COL24A1: variants seen among roughly 807,000 people sequenced by gnomAD.
COL24A1 encodes the protein collagen alpha-1(XXIV) chain.
COL24A1 carries 224 observed loss-of-function variants against 253.9 expected under a neutral mutation model. That is an observed-to-expected ratio of 0.88 (90% CI 0.79 to 0.99). COL24A1 has a LOEUF of 0.99. Among genes scored for constraint, COL24A1 ranks in the 50% least tolerant of loss-of-function variants. COL24A1 has a pLI of 0.00. For synonymous variants in COL24A1, 685 were observed against 673.7 expected (o/e 1.02, Z -0.26); for missense variants, 2,131 against 2,068.5 (o/e 1.03, Z -0.59).
At chr1:85,891,880 T>C (rs1169203573) in intron 31 of COL24A1, among the ~76,000 whole-genome samples, 3 of 152,172 alleles carry the variant, frequency 2.0e-5, no homozygotes, top group Non-Finnish European at 4.4e-5. Flanking sequence ...TTATTGGGGA[T>C]AAAGAGGAAA....
At chr1:85,916,279 A>C (rs938340959) in intron 24 of COL24A1, among the ~76,000 whole-genome samples, 1 of 152,062 alleles carries the variant, frequency 6.6e-6, no homozygotes, top group Non-Finnish European at 1.5e-5. Flanking sequence ...TATTTATACT[A>C]TCTGCCTGGT....
At chr1:85,918,864 G>C (rs923635317) in intron 24 of COL24A1, among the ~76,000 whole-genome samples, 1 of 152,178 alleles carries the variant, frequency 6.6e-6, no homozygotes, top group African/African-American at 2.4e-5. Flanking sequence ...TTGTTTTACT[G>C]TTTGAAATAT....
chr1:85,782,771 A>G (rs1669271275), intron 51 of COL24A1, among the ~76,000 whole-genome samples: 1 of 152,160 alleles, frequency 6.6e-6, no homozygotes, highest in South Asian at 2.1e-4. Context: ...TGCAGCTGCT[A>G]TTAGTCATAG....
At chr1:86,139,156 A>T (rs1393866740) in intron 2 of COL24A1, among the ~76,000 whole-genome samples, 1 of 126,236 alleles carries the variant, frequency 7.9e-6, no homozygotes, top group Non-Finnish European at 1.7e-5. Context: ...TTAGAATAAA[A>T]GAAAGATGAG....
intron 37 of COL24A1, among the ~76,000 whole-genome samples, chr1:85,853,031 G>A (rs1322583888): frequency 2.0e-5 from 3 of 152,164 alleles, no homozygotes; most frequent in Non-Finnish European, 4.4e-5. Context: ...GATAAATTAT[G>A]TGTCACATGG....
Position 86,125,237 on chromosome 1 carries a change from A to C in COL24A1, c.1099T>G (p.Phe367Val). The C allele has an allele frequency of 6.2e-7, 1 of 1,613,524 alleles. No individual in the cohort carries two copies. Among genetic ancestry groups the C allele is most frequent in the Non-Finnish European group, 8.5e-7 (1 of 1,179,764 alleles). The change falls in exon 3 of 60, where the codon TTT becomes GTT. Residue 367 changes from phenylalanine (F) to valine (V), a missense_variant. Coordinates refer to ENST00000370571, the MANE Select transcript of COL24A1 (RefSeq NM_152890.7). Reference protein sequence around the residue: ...SEAKMNTKEKFSSLLNMSDNI... With the variant: ...SEAKMNTKEKVSSLLNMSDNI... ...TCAGACATGTTTAGGAGAGAGCTAAATTTCTCTTTGGTATTCATTTTTGCC... is the reference window on the plus strand; with the variant it reads ...TCAGACATGTTTAGGAGAGAGCTAACTTTCTCTTTGGTATTCATTTTTGCC...
rs146793334 is a variant in COL24A1, at chr1:86,033,770, T to C, written c.2004+100A>G. The stretch of plus-strand genomic sequence containing the variant: ...AGTGGTGTGGAGATTGTTTTTCCAA[T>C]AGTGTTTATTCACAAATATGATAAT... On this transcript the variant is annotated intron_variant, in intron 13 of 59. Transcript: ENST00000370571. 3.8e-5 allele frequency: 41 copies of C among 1,076,808 alleles called. No homozygotes were observed. In the African/African-American group the frequency reaches 5.7e-4, roughly 15 times the overall value. 66.7% of individuals were successfully genotyped at this position (1,076,808 alleles called of 1,614,324 possible).
At chr1:86,092,126 CT>C (rs1703536939) in intron 6 of COL24A1, 140 bp downstream of exon 6, 1 of 489,076 alleles carries the variant, frequency 2.0e-6, no homozygotes, top group East Asian at 4.0e-5. Flanking sequence ...TCAAATAGTT[CT>C]TCCTTCATTA....
chr1:86,108,567 G>C (rs1705216121), intron 5 of COL24A1, among the ~76,000 whole-genome samples: 2 of 139,228 alleles, frequency 1.4e-5, no homozygotes. Flanking sequence ...TGGATCACCT[G>C]AGGTCAGGAA....
intron 43 of COL24A1, among the ~76,000 whole-genome samples, chr1:85,829,327 C>T (rs1674857111): frequency 6.6e-6 from 1 of 151,576 alleles, no homozygotes; most frequent in African/African-American, 2.4e-5. Context: ...TGTGGGTAAC[C>T]CGACCTTTCT....
At position 85,773,659 on chromosome 1, in the gene COL24A1, T is replaced by C. The variant is rs1179487624; in HGVS notation, c.4374+2015A>G. Reference sequence around the variant, plus strand: ...TGTGAATGGGAGTTCACTCATGATTTGGCTCTCTATTTGTCTGTTATTGGT... The same window carrying C: ...TGTGAATGGGAGTTCACTCATGATTCGGCTCTCTATTTGTCTGTTATTGGT... On this transcript the variant is annotated intron_variant, in intron 53 of 59. Coordinates refer to ENST00000370571, the MANE Select transcript of COL24A1 (RefSeq NM_152890.7). 4.7e-5 allele frequency among the ~76,000 whole-genome samples: 3 copies of C among 64,164 alleles called. No individual in the cohort carries two copies. The South Asian group carries it at 1.7e-3, about 37-fold the overall frequency. 42.1% of individuals were successfully genotyped at this position (64,164 alleles called of 152,430 possible).
intron 24 of COL24A1, among the ~76,000 whole-genome samples, chr1:85,915,435 G>C (rs373356265): frequency 7.9e-5 from 12 of 152,266 alleles, no homozygotes; most frequent in African/African-American, 2.9e-4. Context: ...GGAAGACTGT[G>C]AGATTTTTTT....
intron 55 of COL24A1, among the ~76,000 whole-genome samples, chr1:85,759,864 A>G (rs1666660286): frequency 6.6e-6 from 1 of 152,156 alleles, no homozygotes; most frequent in East Asian, 1.9e-4. Flanking sequence ...ACATTTCTTT[A>G]ATTTGCCAAT....
chr1:85,736,897 T>C (rs765634648), intron 58 of COL24A1, among the ~76,000 whole-genome samples: 12 of 152,158 alleles, frequency 7.9e-5, no homozygotes, highest in Non-Finnish European at 1.8e-4. Context: ...GTTCTAAACG[T>C]TTGATTTATA....
chr1:86,044,323 T>A (rs529470026), intron 12 of COL24A1, among the ~76,000 whole-genome samples: 1 of 152,296 alleles, frequency 6.6e-6, no homozygotes, highest in African/African-American at 2.4e-5. Flanking sequence ...AAGGTCACCC[T>A]TGCCATAAGT....
chr1:85,762,265 A>C (rs374082984), intron 53 of COL24A1, among the ~76,000 whole-genome samples: 5 of 152,214 alleles, frequency 3.3e-5, no homozygotes, highest in South Asian at 4.1e-4. Flanking sequence ...AGCAACACTT[A>C]TCTTCAGCTA....
intron 47 of COL24A1, among the ~76,000 whole-genome samples, chr1:85,794,104 T>A (rs1003442241): frequency 3.3e-5 from 5 of 152,148 alleles, no homozygotes; most frequent in East Asian, 3.9e-4. Flanking sequence ...AGAATTTTTT[T>A]AAAAAGCATT....
intron 23 of COL24A1, among the ~76,000 whole-genome samples, chr1:85,962,650 G>A (rs1691188261): frequency 6.6e-6 from 1 of 152,108 alleles, no homozygotes; most frequent in African/African-American, 2.4e-5. Context: ...TTAGTGGTGA[G>A]GAATGGCATC....
At chr1:86,032,708 T>C (rs925091716) in intron 13 of COL24A1, among the ~76,000 whole-genome samples, 2 of 152,148 alleles carry the variant, frequency 1.3e-5, no homozygotes, top group African/African-American at 4.8e-5. Flanking sequence ...TATAGAGAAT[T>C]ATAAACCAGT....
Sources: allele counts gnomAD v4.1 joint callset (sites outside exome capture counted in the v4.1 genomes callset), GRCh38; gene constraint gnomAD v4.1.1; transcripts MANE v1.5; gene names NCBI Gene and HGNC (gene_info 2026-07-23, HGNC 2026-07-21).